Variants in RAVER2 observed in about 807,000 individuals in gnomAD.
RAVER2 encodes the protein ribonucleoprotein, PTB binding 2.
RAVER2 carries 46 observed loss-of-function variants against 78.1 expected under a neutral mutation model. That is an observed-to-expected ratio of 0.59 (90% CI 0.46 to 0.75). The LOEUF (loss-of-function observed/expected upper bound fraction) is 0.75, where lower values mean the gene tolerates loss of function less well. Ranked by LOEUF, RAVER2 falls within the 30% of genes least tolerant of loss-of-function variation. RAVER2 has a pLI of 0.00. For missense variants in RAVER2, 793 were observed against 837.5 expected, an observed-to-expected ratio of 0.95 and a Z score of 0.66; for synonymous variants, 311 against 313.3, an observed-to-expected ratio of 0.99 and a Z score of 0.08.
chr1:64,803,034 A>G (rs200881305), exon 6 of RAVER2: 790 of 1,605,418 alleles, frequency 4.9e-4, no homozygotes, highest in Non-Finnish European at 6.2e-4. Flanking sequence ...TCTCTCCTGC[A>G]TTTTTACATT....
At chr1:64,761,434 G>GT (rs1453233389) in intron 1 of RAVER2, among the ~76,000 whole-genome samples, 2 of 152,178 alleles carry the variant, frequency 1.3e-5, no homozygotes, top group African/African-American at 2.4e-5. Context: ...TGAAATGGAA[G>GT]TAAGAGTTTG....
chr1:64,763,950 A>G (rs1652099768), intron 1 of RAVER2, among the ~76,000 whole-genome samples: 1 of 150,330 alleles, frequency 6.7e-6, no homozygotes, highest in Non-Finnish European at 1.5e-5. Context: ...ACACACACAC[A>G]CACACCCCTA....
At chr1:64,823,101 A>G (rs959106762) in intron 11 of RAVER2, among the ~76,000 whole-genome samples, 2 of 152,134 alleles carry the variant, frequency 1.3e-5, no homozygotes, top group African/African-American at 4.8e-5. Flanking sequence ...CTAGAATTCA[A>G]TTGTGGTGAT....
At chr1:64,777,220 C>G (rs1215424682) in intron 2 of RAVER2, among the ~76,000 whole-genome samples, 2 of 152,042 alleles carry the variant, frequency 1.3e-5, no homozygotes, top group Non-Finnish European at 2.9e-5. Context: ...TTTGTAACTT[C>G]ATTTTTATTT....
At chr1:64,776,357 T>G (rs1322993782) in intron 2 of RAVER2, among the ~76,000 whole-genome samples, 1 of 152,186 alleles carries the variant, frequency 6.6e-6, no homozygotes, top group Non-Finnish European at 1.5e-5. Context: ...TTGGCAATAG[T>G]TTTCTTGCGT....
At chr1:64,828,625 TCACATGGGC>T (rs1186660530) in intron 11 of RAVER2, among the ~76,000 whole-genome samples, 2 of 151,950 alleles carry the variant, frequency 1.3e-5, no homozygotes, top group Admixed American at 1.3e-4. Flanking sequence ...TCTCCCAGTA[TCACATGGGC>T]TACAGTGAAA....
chr1:64,818,087 C>T (rs1653796085), intron 11 of RAVER2, among the ~76,000 whole-genome samples: 1 of 152,098 alleles, frequency 6.6e-6, no homozygotes, highest in Non-Finnish European at 1.5e-5. Flanking sequence ...GTAGGCTGCT[C>T]TGCTTATGGA....
chr1:64,811,883 A>C (rs1653617593), intron 9 of RAVER2, among the ~76,000 whole-genome samples: 1 of 152,230 alleles, frequency 6.6e-6, no homozygotes, highest in Non-Finnish European at 1.5e-5. Context: ...ACTAATACAT[A>C]AAAATATACT....
chr1:64,791,948 G>A (rs1394937814), intron 5 of RAVER2, among the ~76,000 whole-genome samples: 2 of 152,024 alleles, frequency 1.3e-5, no homozygotes, highest in Non-Finnish European at 2.9e-5. Flanking sequence ...CTCCAGACCA[G>A]TTCTTTTTTT....
intron 9 of RAVER2, among the ~76,000 whole-genome samples, chr1:64,811,828 C>T (rs1653616173): frequency 6.6e-6 from 1 of 152,070 alleles, no homozygotes; most frequent in Non-Finnish European, 1.5e-5. Context: ...ACCCCTAACC[C>T]CCATGTTGTT....
intron 1 of RAVER2, among the ~76,000 whole-genome samples, chr1:64,750,322 A>G (rs1453343724): frequency 7.4e-6 from 1 of 134,660 alleles, no homozygotes; most frequent in Non-Finnish European, 1.6e-5. Context: ...TTTTTTTTTT[A>G]AAGAGACAGA....
At chr1:64,753,499 T>C (rs1557580631) in intron 1 of RAVER2, among the ~76,000 whole-genome samples, 1 of 151,536 alleles carries the variant, frequency 6.6e-6, no homozygotes, top group Non-Finnish European at 1.5e-5. Flanking sequence ...ATCCAACGTC[T>C]ACCCTCTGGC....
chr1:64,821,967 A>G (rs1222085420), intron 11 of RAVER2, among the ~76,000 whole-genome samples: 1 of 152,216 alleles, frequency 6.6e-6, no homozygotes, highest in Non-Finnish European at 1.5e-5. Flanking sequence ...ATTTGAATTA[A>G]AGGGAGCCAT....
At chr1:64,780,317 G>T (rs905427001) in intron 3 of RAVER2, among the ~76,000 whole-genome samples, 27 of 152,174 alleles carry the variant, frequency 1.8e-4, no homozygotes, top group African/African-American at 6.5e-4. Flanking sequence ...GACATGTTTA[G>T]AAGAGGTAGA....
chr1:64,830,759 G>T, intron 11 of RAVER2, 80 bp from the exon 12 acceptor site: 1 of 1,307,950 alleles, frequency 7.6e-7, no homozygotes, highest in Non-Finnish European at 1.1e-6. Context: ...AGTCAAAGTG[G>T]AATGCTTTTC....
At chr1:64,773,907 T>C (rs1324738431) in intron 2 of RAVER2, among the ~76,000 whole-genome samples, 1 of 152,232 alleles carries the variant, frequency 6.6e-6, no homozygotes, top group African/African-American at 2.4e-5. Context: ...ATTGTGGTTT[T>C]GATTTGCATT....
intron 4 of RAVER2, among the ~76,000 whole-genome samples, chr1:64,784,242 C>T (rs768222679): frequency 2.0e-5 from 3 of 152,034 alleles, no homozygotes; most frequent in African/African-American, 4.8e-5. Context: ...TAGACTTAGT[C>T]GTGTGCACCT....
intron 11 of RAVER2, among the ~76,000 whole-genome samples, chr1:64,817,574 TA>T (rs2100893462): frequency 6.6e-6 from 1 of 151,880 alleles, no homozygotes; most frequent in African/African-American, 2.4e-5. Flanking sequence ...TATGCAGCCA[TA>T]AAAAAGGATG....
intron 5 of RAVER2, among the ~76,000 whole-genome samples, chr1:64,796,654 C>T (rs1331238848): frequency 2.0e-5 from 3 of 151,900 alleles, no homozygotes; most frequent in African/African-American, 4.8e-5. Context: ...TCTCTTTTTT[C>T]CTGATAAGTC....
Sources: allele counts gnomAD v4.1 joint callset (sites outside exome capture counted in the v4.1 genomes callset), GRCh38; gene constraint gnomAD v4.1.1; transcripts MANE v1.5; gene names NCBI Gene and HGNC (gene_info 2026-07-23, HGNC 2026-07-21).